Variants in GLIPR1L2 observed in about 807,000 individuals in gnomAD.
The protein encoded by GLIPR1L2 is GLIPR1 like 2.
GLIPR1L2 carries 21 observed loss-of-function variants against 28.4 expected under a neutral mutation model. The observed-to-expected ratio is 0.74, with a 90% CI of 0.52 to 1.06. The LOEUF (loss-of-function observed/expected upper bound fraction) is 1.06. Ranked by LOEUF, GLIPR1L2 falls within the 50% of genes least tolerant of loss-of-function variation. The pLI is 0.00. For missense variants in GLIPR1L2, 476 were observed against 416.9 expected, an observed-to-expected ratio of 1.14 and a Z score of -1.23; for synonymous variants, 145 against 139.3, an observed-to-expected ratio of 1.04 and a Z score of -0.29.
intron 2 of GLIPR1L2, among the ~76,000 whole-genome samples, chr12:75,411,250 A>G (rs991071011): frequency 2.6e-5 from 4 of 151,758 alleles, no homozygotes; most frequent in Admixed American, 2.6e-4. Flanking sequence ...GAGGGCAGGG[A>G]CCTTACCTTT....
rs1477739221 is a variant in GLIPR1L2, at chr12:75,391,137, C to A, written c.21C>A (p.Phe7Leu). 3 of 1,613,642 alleles carry A rather than the reference C, an allele frequency of 1.9e-6. No individual in the cohort carries two copies. The highest frequency in any genetic ancestry group is 3.3e-5 in the Admixed American group (2 of 59,992). MEAARP[F>L]AREWRAQSLP... is the part of the protein sequence containing the mutation. The stretch of plus-strand genomic sequence containing the variant: ...GGACCATGGAGGCCGCAAGGCCCTT[C>A]GCCCGGGAGTGGAGGGCCCAGTCCC... Residue 7 changes from phenylalanine to leucine, a missense_variant, in exon 1 of 6, where the codon TTC becomes TTA. By Grantham distance (22) the Phe-to-Leu change is conservative. Transcript: ENST00000550916.
intron 4 of GLIPR1L2, 111 bp downstream of exon 4, chr12:75,423,100 A>C: frequency 6.3e-7 from 1 of 1,586,132 alleles, no homozygotes; most frequent in Non-Finnish European, 8.5e-7. Flanking sequence ...CTTTGATCAG[A>C]ATGCTACTAT....
intron 4 of GLIPR1L2, among the ~76,000 whole-genome samples, chr12:75,425,586 A>G (rs930665876): frequency 5.3e-5 from 8 of 152,124 alleles, no homozygotes; most frequent in African/African-American, 1.9e-4. Flanking sequence ...ATACAAGACA[A>G]TTTTTCAGCA....
intron 3 of GLIPR1L2, 31 bp from the exon 4 acceptor site, chr12:75,422,873 A>G (rs1469552745): frequency 3.2e-6 from 5 of 1,556,446 alleles, no homozygotes; most frequent in Non-Finnish European, 4.4e-6. Context: ...AGCTTATTCT[A>G]ACTAAATGTT....
At chr12:75,429,976 G>T (rs375332407) in intron 4 of GLIPR1L2, among the ~76,000 whole-genome samples, 3 of 129,770 alleles carry the variant, frequency 2.3e-5, no homozygotes, top group Non-Finnish European at 3.1e-5. Context: ...TTGCTCTGTC[G>T]CCAGGCTGGA....
chr12:75,409,184 G>A (rs1001383199), intron 1 of GLIPR1L2, among the ~76,000 whole-genome samples: 2 of 151,876 alleles, frequency 1.3e-5, no homozygotes, highest in Admixed American at 6.6e-5. Flanking sequence ...TTTATGTGTG[G>A]CCTAAGACAA....
chr12:75,428,926 G>T (rs1308289971), intron 4 of GLIPR1L2, among the ~76,000 whole-genome samples: 1 of 152,224 alleles, frequency 6.6e-6, no homozygotes, highest in Non-Finnish European at 1.5e-5. Flanking sequence ...CCTTCACGTA[G>T]ATTTCAGAGG....
chr12:75,414,419 C>T (rs557425292), intron 3 of GLIPR1L2, among the ~76,000 whole-genome samples: 101 of 152,046 alleles, frequency 6.6e-4, no homozygotes, highest in Non-Finnish European at 1.2e-3. Flanking sequence ...TGACTGCCTA[C>T]CAAGATTGAG....
At chr12:75,427,505 A>G (rs1337625144) in intron 4 of GLIPR1L2, among the ~76,000 whole-genome samples, 2 of 152,180 alleles carry the variant, frequency 1.3e-5, no homozygotes, top group Non-Finnish European at 2.9e-5. Flanking sequence ...TGAGTTCTAA[A>G]TTTTCCCCTA....
At chr12:75,422,752 A>G in intron 3 of GLIPR1L2, 152 bp from the exon 4 acceptor site, 1 of 581,324 alleles carries the variant, frequency 1.7e-6, no homozygotes, top group East Asian at 3.2e-5. Context: ...AACAAAAGGG[A>G]AACATTGAAT....
chr12:75,431,878 A>G lies in GLIPR1L2; in HGVS notation c.*717A>G, dbSNP rs1262304328. The G allele has an allele frequency of 6.6e-6, 1 of 152,128 alleles. No individual in the cohort carries two copies. The highest frequency in any genetic ancestry group is 1.5e-5 in the Non-Finnish European group (1 of 67,972). 9.4% of individuals were successfully genotyped at this position (152,128 alleles called of 1,614,324 possible). On this transcript the variant is annotated 3_prime_UTR_variant, in exon 6 of 6. Coordinates refer to ENST00000550916, the MANE Select transcript of GLIPR1L2 (RefSeq NM_001270396.2). ...ATGATAAAATAAATAAATTTTTTAAAAACTATTAACTTGTTATTCAATAGG... is the reference window on the plus strand; with the variant it reads ...ATGATAAAATAAATAAATTTTTTAAGAACTATTAACTTGTTATTCAATAGG...
At chr12:75,416,396 TG>T (rs58145844) in intron 3 of GLIPR1L2, among the ~76,000 whole-genome samples, 52,651 of 151,540 alleles carry the variant, frequency 0.35, 9,447 homozygotes, top group East Asian at 0.46. Context: ...GATCAGCATG[TG>T]GGAGAGTGAA....
chr12:75,421,200 A>T (rs981750774), intron 3 of GLIPR1L2, among the ~76,000 whole-genome samples: 1 of 152,184 alleles, frequency 6.6e-6, no homozygotes, highest in African/African-American at 2.4e-5. Flanking sequence ...AGGTGACTAG[A>T]TCAACTCTTG....
intron 3 of GLIPR1L2, among the ~76,000 whole-genome samples, chr12:75,417,184 G>A (rs963243676): frequency 2.0e-5 from 3 of 152,024 alleles, no homozygotes; most frequent in Admixed American, 6.6e-5. Flanking sequence ...GATTATTTGG[G>A]TGAGGGCTAA....
chr12:75,429,135 G>A (rs1016997956), intron 4 of GLIPR1L2, among the ~76,000 whole-genome samples: 2 of 152,190 alleles, frequency 1.3e-5, no homozygotes, highest in African/African-American at 4.8e-5. Context: ...CTTGCACTAT[G>A]TGCCTGGAAA....
intron 1 of GLIPR1L2, among the ~76,000 whole-genome samples, chr12:75,409,086 A>C (rs1200205280): frequency 3.3e-5 from 5 of 151,900 alleles, no homozygotes; most frequent in Non-Finnish European, 7.4e-5. Flanking sequence ...GCAGCCCAAC[A>C]CACATTTGTA....
chr12:75,424,070 T>C (rs2046008432), intron 4 of GLIPR1L2: 2 of 152,240 alleles, frequency 1.3e-5, no homozygotes, highest in Non-Finnish European at 2.9e-5. Context: ...TATAATTCTT[T>C]GGGTATGTAC....
At chr12:75,424,373 A>C (rs993526473) in intron 4 of GLIPR1L2, among the ~76,000 whole-genome samples, 1 of 152,172 alleles carries the variant, frequency 6.6e-6, no homozygotes, top group African/African-American at 2.4e-5. Flanking sequence ...TCTTTTGAGA[A>C]GTGTCTGTTC....
In GLIPR1L2 at chr12:75,431,110, G is replaced by GA; in HGVS notation, c.984_985insA (p.Glu329ArgfsTer48). 2.1e-6 allele frequency: 2 copies of GA among 974,934 alleles called. No individual in the cohort carries two copies. Among genetic ancestry groups the GA allele is most frequent in the Non-Finnish European group, 3.1e-6 (2 of 643,128 alleles). 60.4% of individuals were successfully genotyped at this position (974,934 alleles called of 1,614,324 possible). A position where few individuals can be genotyped will look rare whatever the true frequency, so the allele number is the denominator to read the frequency against. ...TGGAGGAGGAAAAAGAAGAGAGAGAGGAGGAGGAGGAGGAAACACAAAAAG... is the reference window on the plus strand; with the variant it reads ...TGGAGGAGGAAAAAGAAGAGAGAGAGAGAGGAGGAGGAGGAAACACAAAAAG... On this transcript the variant is annotated frameshift_variant, in exon 6 of 6. Coordinates refer to ENST00000550916, the MANE Select transcript of GLIPR1L2 (RefSeq NM_001270396.2). LOFTEE classifies it low-confidence loss of function (END_TRUNC).
Sources: allele counts gnomAD v4.1 joint callset (sites outside exome capture counted in the v4.1 genomes callset), GRCh38; gene constraint gnomAD v4.1.1; transcripts MANE v1.5; gene names NCBI Gene and HGNC (gene_info 2026-07-23, HGNC 2026-07-21).